The following CPXM2 variants were observed in gnomAD, a reference collection of about 807,000 sequenced individuals.
CPXM2 encodes the protein inactive carboxypeptidase-like protein X2.
Under a neutral mutation model 86.1 loss-of-function variants are expected in CPXM2, and 66 were observed. The ratio of observed to expected loss-of-function variants is 0.77; its 90% CI spans 0.63 to 0.94. CPXM2 has a LOEUF of 0.94. CPXM2 is among the 40% of genes least tolerant of loss of function. The pLI is 0.00. For missense variants in CPXM2, 948 were observed against 1,026.3 expected, an observed-to-expected ratio of 0.92 and a Z score of 1.04; for synonymous variants, 388 against 400.2, an observed-to-expected ratio of 0.97 and a Z score of 0.36.
At chr10:123,869,199 G>A (rs1944849398) in intron 2 of CPXM2, among the ~76,000 whole-genome samples, 3 of 152,182 alleles carry the variant, frequency 2.0e-5, no homozygotes. Flanking sequence ...GAAATAAGTA[G>A]GAAACTCATT....
intron 2 of CPXM2, among the ~76,000 whole-genome samples, chr10:123,927,779 A>T (rs1445951606): frequency 6.6e-6 from 1 of 152,178 alleles, no homozygotes; most frequent in Admixed American, 6.5e-5. Flanking sequence ...ATGAGTACAA[A>T]TGGGTCACGT....
intron 2 of CPXM2, among the ~76,000 whole-genome samples, chr10:123,937,792 C>A (rs1164704150): frequency 6.6e-6 from 1 of 152,106 alleles, no homozygotes; most frequent in East Asian, 1.9e-4. Context: ...AGGTTTTGAT[C>A]TTTCTAAAAT....
intron 7 of CPXM2, among the ~76,000 whole-genome samples, chr10:123,779,169 T>A (rs1846876128): frequency 6.6e-6 from 1 of 152,252 alleles, no homozygotes. Flanking sequence ...CAGAAGGACA[T>A]TTCTGCATGT....
intron 6 of CPXM2, among the ~76,000 whole-genome samples, chr10:123,784,959 G>A (rs898542235): frequency 7.2e-5 from 11 of 152,156 alleles, no homozygotes. Flanking sequence ...CATTCACAGA[G>A]GGCATATACC....
At chr10:123,881,984 G>A (rs1945100601) in intron 1 of CPXM2, among the ~76,000 whole-genome samples, 1 of 152,214 alleles carries the variant, frequency 6.6e-6, no homozygotes, top group Non-Finnish European at 1.5e-5. Context: ...GCAGGTCTGT[G>A]GAGAAAGAAA....
intron 4 of CPXM2, among the ~76,000 whole-genome samples, chr10:123,804,964 T>C (rs929942269): frequency 6.6e-6 from 1 of 152,160 alleles, no homozygotes; most frequent in Admixed American, 6.5e-5. Context: ...TCAGTTTTCA[T>C]ACTCATTATC....
At chr10:123,910,990 G>A (rs1052090307) in intron 2 of CPXM2, among the ~76,000 whole-genome samples, 26 of 152,182 alleles carry the variant, frequency 1.7e-4, no homozygotes, top group Admixed American at 3.3e-4. Flanking sequence ...CACTCCCCTC[G>A]TGTGTCTGTG....
intron 2 of CPXM2, among the ~76,000 whole-genome samples, chr10:123,909,180 C>T (rs1945468056): frequency 6.6e-6 from 1 of 152,000 alleles, no homozygotes; most frequent in South Asian, 2.1e-4. Flanking sequence ...ATTCGTGTAG[C>T]TCGGGACACG....
chr10:123,837,273 C>T (rs1848300706), intron 4 of CPXM2, among the ~76,000 whole-genome samples: 1 of 152,212 alleles, frequency 6.6e-6, no homozygotes, highest in African/African-American at 2.4e-5. Flanking sequence ...AAGTTCCATC[C>T]ATCTTCCTCT....
intron 2 of CPXM2, among the ~76,000 whole-genome samples, chr10:123,907,017 T>G (rs1047538661): frequency 6.6e-6 from 1 of 152,212 alleles, no homozygotes; most frequent in Non-Finnish European, 1.5e-5. Context: ...TTTACGAGTT[T>G]CTGCCCTACA....
intron 3 of CPXM2, among the ~76,000 whole-genome samples, chr10:123,843,955 C>G (rs930509621): frequency 2.0e-5 from 3 of 152,154 alleles, no homozygotes; most frequent in African/African-American, 4.8e-5. Context: ...GTTTTGCCAG[C>G]CTGAATATTT....
At chr10:123,921,907 T>G (rs993850735) in intron 2 of CPXM2, among the ~76,000 whole-genome samples, 2 of 152,210 alleles carry the variant, frequency 1.3e-5, no homozygotes, top group African/African-American at 4.8e-5. Context: ...AGCTGAGGTA[T>G]GAAAGTTGTA....
chr10:123,873,471 C>A (rs962949616), intron 2 of CPXM2, among the ~76,000 whole-genome samples: 1 of 152,138 alleles, frequency 6.6e-6, no homozygotes. Context: ...AAATCTAAAT[C>A]AAAATTCCAA....
intron 2 of CPXM2, among the ~76,000 whole-genome samples, chr10:123,878,382 G>A (rs573077778): frequency 5.0e-4 from 72 of 145,264 alleles, no homozygotes; most frequent in African/African-American, 1.5e-3. Flanking sequence ...AACCAGAGCC[G>A]TGATGGCTGC....
chr10:123,893,365 G>A (rs1269282180), upstream of CPXM2, among the ~76,000 whole-genome samples: 15 of 152,188 alleles, frequency 9.9e-5, no homozygotes, highest in Admixed American at 8.5e-4. Context: ...CCCCACAGTG[G>A]GCAGGGCTTG....
At chr10:123,875,978 G>A (rs1012556207) in intron 2 of CPXM2, among the ~76,000 whole-genome samples, 5 of 151,574 alleles carry the variant, frequency 3.3e-5, no homozygotes, top group South Asian at 2.1e-4. Flanking sequence ...TGCCACGCCC[G>A]GCTAATTTTT....
chr10:123,904,531 G>A (rs1371425772), intron 2 of CPXM2, among the ~76,000 whole-genome samples: 3 of 152,082 alleles, frequency 2.0e-5, no homozygotes, highest in African/African-American at 7.2e-5. Context: ...GACGTCAGGG[G>A]GCCAAATTAT....
chr10:123,755,300 T>C (rs1054551533), intron 12 of CPXM2, among the ~76,000 whole-genome samples: 2 of 152,142 alleles, frequency 1.3e-5, no homozygotes, highest in Admixed American at 6.5e-5. Flanking sequence ...ACAGGTTATT[T>C]TGCATTTCAA....
upstream of CPXM2, among the ~76,000 whole-genome samples, chr10:123,941,900 A>T (rs1215543584): frequency 6.6e-6 from 1 of 152,262 alleles, no homozygotes; most frequent in East Asian, 1.9e-4. Context: ...CTGTAGGCAC[A>T]ATGGCTTGCA....
Sources: allele counts gnomAD v4.1 joint callset (sites outside exome capture counted in the v4.1 genomes callset), GRCh38; gene constraint gnomAD v4.1.1; transcripts MANE v1.5; gene names NCBI Gene and HGNC (gene_info 2026-07-23, HGNC 2026-07-21).